SORCS1: variants seen among roughly 807,000 people sequenced by gnomAD.
SORCS1 encodes VPS10 domain-containing receptor SorCS1.
Under a neutral mutation model 146.1 loss-of-function variants are expected in SORCS1, and 60 were observed. That is an observed-to-expected ratio of 0.41 (90% CI 0.33 to 0.51). The LOEUF is 0.51. Among genes scored for constraint, SORCS1 ranks in the 20% least tolerant of loss-of-function variants. The pLI is 0.21. For missense variants in SORCS1, 1,352 were observed against 1,487.6 expected (o/e 0.91, Z 1.50); for synonymous variants, 637 against 584.0 (o/e 1.09, Z -1.31).
At chr10:106,611,097 A>G (rs999221799) in intron 22 of SORCS1, among the ~76,000 whole-genome samples, 1 of 152,076 alleles carries the variant, frequency 6.6e-6, no homozygotes, top group African/African-American at 2.4e-5. Context: ...AAAAAAAAAA[A>G]GTAGAACAAG....
intron 2 of SORCS1, among the ~76,000 whole-genome samples, chr10:106,878,646 A>ATATATATTTATTTATT (rs1200849744): frequency 8.5e-6 from 1 of 117,886 alleles, no homozygotes; most frequent in Non-Finnish European, 1.9e-5. Context: ...ATATATATAT[A>ATATATATTTATTTATT]TATTTTATAG....
chr10:106,621,962 A>T (rs952511894), intron 19 of SORCS1, among the ~76,000 whole-genome samples: 1 of 152,094 alleles, frequency 6.6e-6, no homozygotes, highest in Non-Finnish European at 1.5e-5. Context: ...GAAGCTGATC[A>T]TGTTACTCAT....
chr10:106,915,147 AC>A (rs1412270492), intron 2 of SORCS1, among the ~76,000 whole-genome samples: 1 of 152,032 alleles, frequency 6.6e-6, no homozygotes, highest in Non-Finnish European at 1.5e-5. Context: ...ACTTTTCCAA[AC>A]CTGAACTTGT....
At chr10:106,716,109 T>A (rs2135898287) in intron 6 of SORCS1, among the ~76,000 whole-genome samples, 1 of 152,250 alleles carries the variant, frequency 6.6e-6, no homozygotes, top group East Asian at 1.9e-4. Flanking sequence ...AGTACGTTTT[T>A]AAAAACACCA....
chr10:106,640,339 T>C (rs1293542412), intron 18 of SORCS1, among the ~76,000 whole-genome samples: 1 of 152,230 alleles, frequency 6.6e-6, no homozygotes, highest in African/African-American at 2.4e-5. Context: ...TCCTCATGTT[T>C]TGGAGTTAAA....
At chr10:107,138,963 C>T (rs932456318) in intron 1 of SORCS1, among the ~76,000 whole-genome samples, 5 of 152,260 alleles carry the variant, frequency 3.3e-5, no homozygotes, top group South Asian at 2.1e-4. Context: ...TCTCTAGCCA[C>T]GTAAGATGGA....
intron 24 of SORCS1, among the ~76,000 whole-genome samples, chr10:106,589,942 AAAATTTCTTC>A (rs1845500719): frequency 6.6e-6 from 1 of 152,194 alleles, no homozygotes; most frequent in South Asian, 2.1e-4. Context: ...TTGCATTAAT[AAAATTTCTTC>A]ACTAGCGCAC....
chr10:107,137,486 A>G (rs1967408379), intron 1 of SORCS1, among the ~76,000 whole-genome samples: 1 of 152,212 alleles, frequency 6.6e-6, no homozygotes, highest in Admixed American at 6.5e-5. Flanking sequence ...GAATGTATCA[A>G]AAGTTCTGCA....
At chr10:106,904,732 C>G (rs78010612) in intron 2 of SORCS1, among the ~76,000 whole-genome samples, 1 of 152,166 alleles carries the variant, frequency 6.6e-6, no homozygotes, top group Non-Finnish European at 1.5e-5. Flanking sequence ...CAAATGGATC[C>G]AACTGATAGA....
At chr10:106,723,643 A>G (rs770675334) in intron 6 of SORCS1, among the ~76,000 whole-genome samples, 2 of 152,248 alleles carry the variant, frequency 1.3e-5, no homozygotes, top group Non-Finnish European at 2.9e-5. Flanking sequence ...GATGTAAACT[A>G]CAAGATATCT....
At chr10:106,731,385 T>C (rs1856590509) in intron 5 of SORCS1, among the ~76,000 whole-genome samples, 1 of 151,296 alleles carries the variant, frequency 6.6e-6, no homozygotes, top group Admixed American at 6.6e-5. Flanking sequence ...TCCATCTCAC[T>C]TTTGCTGCCT....
chr10:107,016,065 TCATA>T (rs1439773474), intron 1 of SORCS1, among the ~76,000 whole-genome samples: 3 of 152,104 alleles, frequency 2.0e-5, no homozygotes, highest in Non-Finnish European at 4.4e-5. Context: ...TTTAAGAATG[TCATA>T]AATAATAAAA....
intron 25 of SORCS1, chr10:106,578,568 TA>T (rs11463392): frequency 0.1 from 65,459 of 624,752 alleles, no homozygotes; most frequent in Non-Finnish European, 0.12. Context: ...CCAATAGATG[TA>T]AAAAAAAAAA....
chr10:106,692,529 A>C (rs1277720381), intron 9 of SORCS1, among the ~76,000 whole-genome samples: 2 of 152,212 alleles, frequency 1.3e-5, no homozygotes, highest in East Asian at 3.8e-4. Context: ...AAATGACCTA[A>C]AATTGTGGTG....
intron 1 of SORCS1, among the ~76,000 whole-genome samples, chr10:106,993,410 G>A (rs570818487): frequency 2.8e-4 from 43 of 152,108 alleles, no homozygotes; most frequent in Non-Finnish European, 5.4e-4. Flanking sequence ...CTTTTTATCA[G>A]TCCCATTTTA....
At chr10:106,972,543 T>C (rs1034010372) in intron 1 of SORCS1, among the ~76,000 whole-genome samples, 2 of 151,940 alleles carry the variant, frequency 1.3e-5, no homozygotes, top group African/African-American at 4.8e-5. Context: ...CTTTTTTTTT[T>C]TGGCCGTAAA....
At chr10:106,852,439 C>A (rs566272152) in intron 2 of SORCS1, among the ~76,000 whole-genome samples, 2 of 152,050 alleles carry the variant, frequency 1.3e-5, no homozygotes, top group African/African-American at 4.8e-5. Flanking sequence ...ACCATCCTGG[C>A]CAACATGGTG....
intron 5 of SORCS1, among the ~76,000 whole-genome samples, chr10:106,757,195 G>A (rs1489645880): frequency 1.3e-5 from 2 of 152,060 alleles, no homozygotes; most frequent in Non-Finnish European, 2.9e-5. Context: ...CATGACCATT[G>A]CTACCAGAAA....
At chr10:106,902,640 T>C (rs1488741009) in intron 2 of SORCS1, among the ~76,000 whole-genome samples, 19 of 152,374 alleles carry the variant, frequency 1.2e-4, no homozygotes, top group Non-Finnish European at 1.5e-5. Flanking sequence ...GGTGGTCTTA[T>C]GGGTTACCTT....
Sources: gnomAD v4.1 joint callset for allele counts (sites outside exome capture counted in the v4.1 genomes callset) on GRCh38, gnomAD v4.1.1 for gene constraint, MANE v1.5 for transcripts, NCBI Gene and HGNC (gene_info 2026-07-23, HGNC 2026-07-21) for gene names.